The following UTRN variants were observed in gnomAD, a reference collection of about 807,000 sequenced individuals.
The protein encoded by UTRN is dystrophin-related protein 1.
A neutral mutation model predicts 463.9 loss-of-function variants in UTRN; 283 were observed. That is an observed-to-expected ratio of 0.61 (90% CI 0.55 to 0.67). The LOEUF (loss-of-function observed/expected upper bound fraction) is 0.67. Ranked by LOEUF, UTRN falls within the 30% of genes least tolerant of loss-of-function variation. UTRN has a pLI of 0.00. For missense variants in UTRN, 3,922 were observed against 4,084.3 expected (o/e 0.96, Z 1.08); for synonymous variants, 1,442 against 1,431.5 (o/e 1.01, Z -0.17).
intron 51 of UTRN, among the ~76,000 whole-genome samples, chr6:144,618,874 A>G (rs569609380): frequency 1.4e-4 from 21 of 152,262 alleles, no homozygotes; most frequent in Non-Finnish European, 1.9e-4. Flanking sequence ...TTTACATGCA[A>G]ATATTTAAAA....
intron 52 of UTRN, among the ~76,000 whole-genome samples, chr6:144,699,097 G>GT (rs986821923): frequency 7.2e-5 from 11 of 152,132 alleles, no homozygotes; most frequent in African/African-American, 2.7e-4. Flanking sequence ...AACAGAAGGA[G>GT]TTTTTGGTTA....
At position 144,757,318 on chromosome 6, in the gene UTRN, G is replaced by C. The variant is rs545983032; in HGVS notation, c.8435-611G>C. ...AGTAAGGTCTAGTGCAAAAGTAGGA[G>C]ACTGGGCTCTCTGTATGTTTCAGAT... On this transcript the variant is annotated intron_variant, in intron 57 of 74. Transcript: ENST00000367545. 2.0e-5 allele frequency among the ~76,000 whole-genome samples: 3 copies of C among 151,304 alleles called. No individual in the cohort carries two copies. In the South Asian group the frequency reaches 6.3e-4, roughly 32 times the overall value.
intron 50 of UTRN, among the ~76,000 whole-genome samples, chr6:144,576,236 G>A (rs1163035870): frequency 6.6e-6 from 1 of 151,988 alleles, no homozygotes; most frequent in African/African-American, 2.4e-5. Context: ...GTTTTTCTGT[G>A]GAAATATTTC....
At chr6:144,305,749 T>A (rs1489700533) in intron 2 of UTRN, among the ~76,000 whole-genome samples, 2 of 152,178 alleles carry the variant, frequency 1.3e-5, no homozygotes, top group Non-Finnish European at 2.9e-5. Context: ...CCTTGACCAG[T>A]AGGCTTTTGG....
intron 72 of UTRN, 122 bp from the exon 73 acceptor site, chr6:144,840,618 G>T: frequency 9.1e-7 from 1 of 1,094,170 alleles, no homozygotes; most frequent in Non-Finnish European, 1.3e-6. Flanking sequence ...CTTTGCAATG[G>T]GAAATCTTTT....
intron 18 of UTRN, among the ~76,000 whole-genome samples, chr6:144,452,499 C>T (rs558946573): frequency 1.8e-4 from 28 of 151,766 alleles, no homozygotes; most frequent in Admixed American, 9.8e-4. Context: ...ATTCAAATAC[C>T]GAGTTGTGTG....
chr6:144,380,971 C>CCTTT (rs1172225749), intron 2 of UTRN, among the ~76,000 whole-genome samples: 1 of 151,854 alleles, frequency 6.6e-6, no homozygotes, highest in Non-Finnish European at 1.5e-5. Flanking sequence ...TAAAGCAATT[C>CCTTT]CTTTCTTTTT....
At chr6:144,551,417 A>T (rs1223198990) in intron 48 of UTRN, among the ~76,000 whole-genome samples, 2 of 152,180 alleles carry the variant, frequency 1.3e-5, no homozygotes, top group African/African-American at 4.8e-5. Flanking sequence ...CAAGAATGCA[A>T]ATCCTTTCTC....
At chr6:144,483,456 T>G (rs1792097927) in intron 27 of UTRN, among the ~76,000 whole-genome samples, 1 of 152,166 alleles carries the variant, frequency 6.6e-6, no homozygotes, top group Admixed American at 6.5e-5. Context: ...TGTTTTGTTT[T>G]GTTTGAGACA....
intron 9 of UTRN, among the ~76,000 whole-genome samples, chr6:144,433,962 G>A: frequency 6.6e-6 from 1 of 152,218 alleles, no homozygotes; most frequent in African/African-American, 2.4e-5. Flanking sequence ...AGAGGCTGCA[G>A]TCTCGGCACT....
At chr6:144,679,808 T>G (rs1782026374) in intron 52 of UTRN, among the ~76,000 whole-genome samples, 1 of 152,150 alleles carries the variant, frequency 6.6e-6, no homozygotes, top group African/African-American at 2.4e-5. Context: ...TGAAAGGTTT[T>G]TATTCTTCTG....
chr6:144,606,888 G>T (rs1804909113), intron 51 of UTRN, among the ~76,000 whole-genome samples: 1 of 152,180 alleles, frequency 6.6e-6, no homozygotes, highest in Non-Finnish European at 1.5e-5. Flanking sequence ...CTCGCTCAGA[G>T]AGAGATCTGT....
chr6:144,319,832 G>A (rs1414140390), intron 2 of UTRN, among the ~76,000 whole-genome samples: 1 of 151,434 alleles, frequency 6.6e-6, no homozygotes. Flanking sequence ...ATAGGCATGG[G>A]TCACCATGCC....
chr6:144,347,837 G>GTTTTTTGTTTTTTT (rs1777719107), intron 2 of UTRN, among the ~76,000 whole-genome samples: 2 of 128,902 alleles, frequency 1.6e-5, no homozygotes, highest in African/African-American at 6.8e-5. Context: ...CTTATTCTTT[G>GTTTTTTGTTTTTTT]TTTTTTTTTT....
intron 65 of UTRN, among the ~76,000 whole-genome samples, chr6:144,820,256 A>G (rs892532526): frequency 6.6e-6 from 1 of 152,198 alleles, no homozygotes; most frequent in African/African-American, 2.4e-5. Context: ...GTGACATTTT[A>G]TACCACTATT....
rs73600181 is a variant in UTRN at position 144,568,026 on chromosome 6, G to A, written c.7290-9073G>A. Among the ~76,000 whole-genome samples the A allele has an allele frequency of 7.9e-3, 1,209 of 152,092 alleles. 20 individuals carry two copies. The highest frequency in any genetic ancestry group is 0.027 in the African/African-American group (1,102 of 41,484). Reference sequence around the variant, plus strand: ...TTATTGTGTTACAAAATGATTATAGGCTATAGGGTGTCATAGCTGCTTTTA... The same window carrying A: ...TTATTGTGTTACAAAATGATTATAGACTATAGGGTGTCATAGCTGCTTTTA... On this transcript the variant is annotated intron_variant, in intron 50 of 74. Coordinates refer to ENST00000367545, the MANE Select transcript of UTRN (RefSeq NM_007124.3).
At chr6:144,541,516 C>G (rs1215105715) in intron 45 of UTRN, among the ~76,000 whole-genome samples, 1 of 152,204 alleles carries the variant, frequency 6.6e-6, no homozygotes, top group East Asian at 1.9e-4. Flanking sequence ...CTAAGACCAA[C>G]AATGCTCATT....
intron 66 of UTRN, among the ~76,000 whole-genome samples, chr6:144,824,511 A>G (rs1779902004): frequency 7.2e-6 from 1 of 138,688 alleles, no homozygotes; most frequent in African/African-American, 2.6e-5. Flanking sequence ...TATATATTGT[A>G]TATATATGTA....
intron 51 of UTRN, among the ~76,000 whole-genome samples, chr6:144,611,515 G>A (rs1805522859): frequency 6.6e-6 from 1 of 152,056 alleles, no homozygotes; most frequent in Non-Finnish European, 1.5e-5. Flanking sequence ...TAAAGTTGCA[G>A]GATACAACAT....
Sources: allele counts gnomAD v4.1 joint callset (sites outside exome capture counted in the v4.1 genomes callset), GRCh38; gene constraint gnomAD v4.1.1; transcripts MANE v1.5; gene names NCBI Gene and HGNC (gene_info 2026-07-23, HGNC 2026-07-21).